The following POLR1C variants were observed in gnomAD, a reference collection of about 807,000 sequenced individuals.
POLR1C encodes the protein RNA polymerase I and III subunit C, also known as DNA-directed RNA polymerases I and III subunit RPAC1.
POLR1C carries 42 observed loss-of-function variants against 38.3 expected under a neutral mutation model. The ratio of observed to expected loss-of-function variants is 1.10; its 90% CI spans 0.86 to 1.42. POLR1C has a LOEUF of 1.42. Ranked by LOEUF, POLR1C falls within the 40% of genes most tolerant of loss-of-function variation. POLR1C has a pLI of 0.00. For synonymous variants in POLR1C, 163 were observed against 163.9 expected, an observed-to-expected ratio of 0.99 and a Z score of 0.04; for missense variants, 507 against 450.5, an observed-to-expected ratio of 1.13 and a Z score of -1.14.
At chr6:43,524,482 C>A, downstream of POLR1C, 1 of 1,613,356 alleles carries the variant, frequency 6.2e-7, no homozygotes, top group Non-Finnish European at 8.5e-7. Flanking sequence ...CCAATGCAAC[C>A]AGCAATGAGG....
intron 10 of POLR1C, chr6:43,560,289 T>TG: frequency 6.2e-7 from 1 of 1,610,654 alleles, no homozygotes; most frequent in Middle Eastern, 1.7e-4. Context: ...TCATCTGAGT[T>TG]GAAGAGCGTA....
chr6:43,522,267 G>A (rs1218790753), downstream of POLR1C: 1 of 152,480 alleles, frequency 6.6e-6, no homozygotes, highest in African/African-American at 2.4e-5. Flanking sequence ...AGTCCCGGGT[G>A]CTCATGAAGT....
downstream of POLR1C, chr6:43,526,003 A>G (rs1165393773): frequency 5.9e-6 from 9 of 1,514,444 alleles, no homozygotes; most frequent in Admixed American, 9.4e-5. Context: ...CGCAAAAAAC[A>G]AAGCAAAGCT....
At chr6:43,559,584 T>A (rs887991097) in intron 10 of POLR1C, among the ~76,000 whole-genome samples, 11 of 152,202 alleles carry the variant, frequency 7.2e-5, no homozygotes, top group African/African-American at 2.7e-4. Context: ...TCAACCCTCC[T>A]ATGTACTTCC....
At chr6:43,555,222 G>GT (rs1461187494) in intron 10 of POLR1C, 1 of 152,270 alleles carries the variant, frequency 6.6e-6, no homozygotes, top group African/African-American at 2.4e-5. Flanking sequence ...GATTACAAGC[G>GT]TGAGTCACTG....
Position 43,520,715 on chromosome 6 carries a change from C to T in POLR1C, c.746C>T (p.Ala249Val), listed in dbSNP as rs770834639. The change falls in exon 7 of 9, where the codon GCA (alanine) becomes GTA (valine). Residue 249 changes from alanine to valine, a missense_variant. Transcript: ENST00000642195. ...ITLLEPVEGEAAEELSRCFSP... is the reference protein window; with the variant it reads ...ITLLEPVEGEVAEELSRCFSP... The stretch of plus-strand genomic sequence containing the variant: ...CTGCTTGAGCCCGTGGAAGGGGAGG[C>T]AGCTGAGGAGTTGAGCAGGTGCTTC... The T allele has an allele frequency of 3.1e-6, 5 of 1,614,096 alleles. No homozygotes were observed. Among genetic ancestry groups the T allele is most frequent in the Non-Finnish European group, 4.2e-6 (5 of 1,179,996 alleles).
chr6:43,546,496 T>C (rs1044994867), intron 9 of POLR1C: 39 of 1,450,302 alleles, frequency 2.7e-5, no homozygotes, highest in Non-Finnish European at 3.2e-5. Flanking sequence ...TATGAAGACA[T>C]GTAAACAGAC....
chr6:43,558,636 A>G, intron 10 of POLR1C: 2 of 1,444,238 alleles, frequency 1.4e-6, no homozygotes, highest in African/African-American at 1.4e-5. Flanking sequence ...AAGTGGACCC[A>G]CTGAAAGAGT....
intron 9 of POLR1C, among the ~76,000 whole-genome samples, chr6:43,538,601 T>A (rs538096108): frequency 6.6e-6 from 1 of 152,320 alleles, no homozygotes; most frequent in South Asian, 2.1e-4. Flanking sequence ...GAAATGTGGT[T>A]ATATTAAAAG....
downstream of POLR1C, chr6:43,522,876 T>C (rs1793283762): frequency 4.6e-6 from 1 of 219,734 alleles, no homozygotes; most frequent in Non-Finnish European, 1.1e-5. Context: ...ACCTCTAGAA[T>C]GGACTCACAG....
At position 43,520,343 on chromosome 6, in the gene POLR1C, C is replaced by T. The variant is rs778193069; in HGVS notation, c.571C>T (p.Arg191Ter). 5 of 1,613,512 alleles carry T rather than the reference C, an allele frequency of 3.1e-6. No homozygotes were observed. Among genetic ancestry groups the T allele is most frequent in the South Asian group, 1.1e-5 (1 of 91,074 alleles). ...QADLFPEGTI[R>*]PVHDDILIAQ... is the part of the protein sequence containing the mutation. ...TGATCTCTTTCCAGAGGGCACTATC[C>T]GACCAGTGCATGATGATATCCTCAT... Residue 191 changes from arginine to a stop codon, truncating the protein, a stop_gained, in exon 6 of 9, where the codon CGA (arginine) becomes TGA (stop). Transcript: ENST00000642195. LOFTEE classifies it high-confidence loss of function.
downstream of POLR1C, among the ~76,000 whole-genome samples, chr6:43,532,020 G>A (rs927972483): frequency 2.6e-5 from 4 of 152,114 alleles, no homozygotes; most frequent in Admixed American, 6.5e-5. Context: ...GTAATCAGAG[G>A]TTTTACATTT....
chr6:43,539,349 C>T lies in POLR1C; in HGVS notation c.*4+9990C>T, dbSNP rs1409617115. ...AACGCCTTGAACCTGGTGCGCTGGC[C>T]AGCACGGGTCTGCTTCTGCACTGGC... On this transcript the variant is annotated intron_variant, in intron 9 of 10. Transcript: ENST00000607635. 17 of 1,580,796 alleles carry T rather than the reference C, an allele frequency of 1.1e-5. No individual in the cohort carries two copies. In the East Asian group the frequency reaches 2.2e-4, roughly 21 times the overall value.
intron 9 of POLR1C, among the ~76,000 whole-genome samples, chr6:43,545,500 A>G (rs531284385): frequency 6.6e-6 from 1 of 152,168 alleles, no homozygotes; most frequent in East Asian, 2.0e-4. Flanking sequence ...TGCGGCCAGG[A>G]GTTCGAGACC....
At chr6:43,543,733 TC>T (rs1451645556) in intron 9 of POLR1C, among the ~76,000 whole-genome samples, 10 of 152,056 alleles carry the variant, frequency 6.6e-5, no homozygotes, top group African/African-American at 2.2e-4. Context: ...GGAAGACTCT[TC>T]CCTGTGATCT....
downstream of POLR1C, among the ~76,000 whole-genome samples, chr6:43,529,851 G>A (rs546649492): frequency 2.8e-3 from 419 of 148,786 alleles, no homozygotes; most frequent in African/African-American, 0.01. Flanking sequence ...ACTTGAGCCT[G>A]CACTGAGCTT....
chr6:43,525,333 T>G, downstream of POLR1C: 2 of 958,776 alleles, frequency 2.1e-6, no homozygotes, highest in Non-Finnish European at 3.0e-6. Flanking sequence ...AAAGATGGGT[T>G]TGTTTTGTTG....
At chr6:43,552,999 C>T (rs766427286) in intron 10 of POLR1C, among the ~76,000 whole-genome samples, 1 of 151,956 alleles carries the variant, frequency 6.6e-6, no homozygotes, top group Non-Finnish European at 1.5e-5. Flanking sequence ...AGATGTACAT[C>T]CATAGATTTT....
rs529074766 is a variant in POLR1C, at chr6:43,560,970, C to T, written c.*49-430C>T. 3.2e-4 allele frequency: 510 copies of T among 1,613,868 alleles called. 8 individuals are homozygous for T. The South Asian group carries it at 5.3e-3, about 17-fold the overall frequency. ...AGCAAGAAAAGATTCCAGGTATTTT[C>T]CAAAGTTTGATGGTGTTTCTACATC... On this transcript the variant is annotated intron_variant, in intron 10 of 10. Transcript: ENST00000607635.
Sources: gnomAD v4.1 joint callset for allele counts (sites outside exome capture counted in the v4.1 genomes callset) on GRCh38, gnomAD v4.1.1 for gene constraint, MANE v1.5 for transcripts, NCBI Gene and HGNC (gene_info 2026-07-23, HGNC 2026-07-21) for gene names.